Variants in SYT1 observed in about 807,000 individuals in gnomAD.
SYT1 encodes the protein synaptotagmin-1.
SYT1 carries 8 observed loss-of-function variants against 44.8 expected under a neutral mutation model. The observed-to-expected ratio is 0.18, with a 90% confidence interval of 0.10 to 0.32. The LOEUF is 0.32. SYT1 is among the 10% of genes least tolerant of loss of function. SYT1 has a pLI of 1.00. For synonymous variants in SYT1, 154 were observed against 188.8 expected (o/e 0.82, Z 1.51); for missense variants, 286 against 509.3 (o/e 0.56, Z 4.22).
At chr12:79,049,992 G>A (rs1874353802) in intron 3 of SYT1, among the ~76,000 whole-genome samples, 3 of 151,960 alleles carry the variant, frequency 2.0e-5, no homozygotes, top group Admixed American at 2.0e-4. Context: ...ACTGGAAAGT[G>A]TATTCTAAAA....
At chr12:79,108,712 A>T (rs1018843911) in intron 3 of SYT1, among the ~76,000 whole-genome samples, 4 of 152,190 alleles carry the variant, frequency 2.6e-5, no homozygotes, top group African/African-American at 4.8e-5. Context: ...AAATTCAAGA[A>T]AGTTATGTTT....
intron 8 of SYT1, among the ~76,000 whole-genome samples, chr12:79,334,797 T>C (rs889794359): frequency 6.6e-6 from 1 of 152,152 alleles, no homozygotes; most frequent in African/African-American, 2.4e-5. Context: ...CCCTTTGTAT[T>C]CTTAAAAATC....
intron 9 of SYT1, among the ~76,000 whole-genome samples, chr12:79,422,317 T>C (rs1365180951): frequency 1.3e-5 from 2 of 152,052 alleles, no homozygotes; most frequent in African/African-American, 4.8e-5. Flanking sequence ...AGTTTCATCT[T>C]TCTTTTGCAT....
chr12:78,929,965 G>T (rs1877544919), intron 1 of SYT1, among the ~76,000 whole-genome samples: 1 of 152,068 alleles, frequency 6.6e-6, no homozygotes, highest in Admixed American at 6.6e-5. Flanking sequence ...TCTGTGAAGT[G>T]GGCTTTTTTA....
At chr12:78,951,829 T>C (rs1236003400) in intron 1 of SYT1, among the ~76,000 whole-genome samples, 1 of 152,120 alleles carries the variant, frequency 6.6e-6, no homozygotes, top group African/African-American at 2.4e-5. Flanking sequence ...CTCCCAGTGA[T>C]TTGGCTACGT....
intron 2 of SYT1, among the ~76,000 whole-genome samples, chr12:79,041,505 C>G (rs373771954): frequency 6.6e-6 from 1 of 152,062 alleles, no homozygotes; most frequent in Non-Finnish European, 1.5e-5. Flanking sequence ...AGTTGCTTAT[C>G]AGCTTAAGGA....
At chr12:78,929,977 A>T (rs1877546192) in intron 1 of SYT1, among the ~76,000 whole-genome samples, 1 of 152,124 alleles carries the variant, frequency 6.6e-6, no homozygotes, top group Non-Finnish European at 1.5e-5. Flanking sequence ...GCTTTTTTAG[A>T]TTACACTAAT....
At chr12:79,420,539 C>G (rs1240009302) in intron 9 of SYT1, among the ~76,000 whole-genome samples, 1 of 152,070 alleles carries the variant, frequency 6.6e-6, no homozygotes, top group Non-Finnish European at 1.5e-5. Context: ...CTGAAAGTTA[C>G]CTCCAGCTTT....
intron 3 of SYT1, among the ~76,000 whole-genome samples, chr12:79,180,856 G>C (rs1053505553): frequency 6.6e-6 from 1 of 152,170 alleles, no homozygotes; most frequent in Admixed American, 6.5e-5. Context: ...TTGAACTGTA[G>C]TTCCCATAAT....
chr12:79,434,821 C>T (rs533271702), intron 9 of SYT1, among the ~76,000 whole-genome samples: 156 of 152,050 alleles, frequency 1.0e-3, no homozygotes, highest in African/African-American at 3.6e-3. Context: ...GGTTGGTTGC[C>T]GCCCACCTTC....
chr12:78,924,004 T>A (rs2137172819), intron 1 of SYT1, among the ~76,000 whole-genome samples: 1 of 152,072 alleles, frequency 6.6e-6, no homozygotes, highest in African/African-American at 2.4e-5. Context: ...AATTCCTCAA[T>A]CTTAATTTGC....
intron 4 of SYT1, among the ~76,000 whole-genome samples, chr12:79,238,234 A>G (rs1335724531): frequency 6.6e-6 from 1 of 151,134 alleles, no homozygotes; most frequent in African/African-American, 2.5e-5. Context: ...TTTTAATGCC[A>G]TCCTAAGCAG....
chr12:79,064,708 G>A (rs1046746005), intron 3 of SYT1, among the ~76,000 whole-genome samples: 2 of 151,548 alleles, frequency 1.3e-5, no homozygotes, highest in African/African-American at 4.9e-5. Context: ...TGTGTGTGTT[G>A]GGGGGTATGA....
At chr12:79,052,614 A>G (rs1472972991) in intron 3 of SYT1, among the ~76,000 whole-genome samples, 2 of 152,200 alleles carry the variant, frequency 1.3e-5, no homozygotes. Flanking sequence ...TCATCTGACA[A>G]AGGGCTAATA....
At chr12:79,350,078 C>A (rs1882820966) in intron 8 of SYT1, among the ~76,000 whole-genome samples, 1 of 151,972 alleles carries the variant, frequency 6.6e-6, no homozygotes, top group Non-Finnish European at 1.5e-5. Context: ...GTCTTTAAAT[C>A]TGATTCAGGG....
chr12:79,288,039 TC>T (rs1879397010), intron 5 of SYT1, among the ~76,000 whole-genome samples: 1 of 152,140 alleles, frequency 6.6e-6, no homozygotes, highest in African/African-American at 2.4e-5. Flanking sequence ...ACAATTAAAT[TC>T]ACAGAATAAG....
intron 3 of SYT1, among the ~76,000 whole-genome samples, chr12:79,071,522 G>T (rs1021598393): frequency 6.6e-6 from 1 of 152,102 alleles, no homozygotes; most frequent in Non-Finnish European, 1.5e-5. Flanking sequence ...TACTATATTT[G>T]TTTGCTACCA....
chr12:79,070,792 CAG>C (rs1876218201), intron 3 of SYT1, among the ~76,000 whole-genome samples: 1 of 151,996 alleles, frequency 6.6e-6, no homozygotes, highest in Admixed American at 6.6e-5. Context: ...ACCTGAGTGA[CAG>C]ATCATTTATT....
chr12:79,158,669 A>G (rs10778479), intron 3 of SYT1, among the ~76,000 whole-genome samples: 59,754 of 151,954 alleles, frequency 0.39, 12,138 homozygotes, highest in East Asian at 0.58. Flanking sequence ...AGGCTGAGTC[A>G]GGTGGATCGC....
Sources: gnomAD v4.1 joint callset for allele counts (sites outside exome capture counted in the v4.1 genomes callset) on GRCh38, gnomAD v4.1.1 for gene constraint, MANE v1.5 for transcripts, NCBI Gene and HGNC (gene_info 2026-07-23, HGNC 2026-07-21) for gene names.